DMC1: variants seen among roughly 807,000 people sequenced by gnomAD.
DMC1 encodes the protein DNA meiotic recombinase 1.
A neutral mutation model predicts 50.1 loss-of-function variants in DMC1; 27 were observed. That is an observed-to-expected ratio of 0.54 (90% CI 0.40 to 0.74). DMC1 has a LOEUF of 0.74. Ranked by LOEUF, DMC1 falls within the 30% of genes least tolerant of loss-of-function variation. The pLI is 0.00. For missense variants in DMC1, 295 were observed against 420.2 expected, an observed-to-expected ratio of 0.70 and a Z score of 2.60; for synonymous variants, 148 against 136.1, an observed-to-expected ratio of 1.09 and a Z score of -0.61.
chr22:38,553,009 G>A (rs1055177545), intron 6 of DMC1, among the ~76,000 whole-genome samples: 5 of 151,216 alleles, frequency 3.3e-5, no homozygotes, highest in African/African-American at 7.3e-5. Flanking sequence ...CACCACGCCC[G>A]GCTAGTTTTT....
At chr22:38,550,481 T>C (rs1482533331) in intron 7 of DMC1, among the ~76,000 whole-genome samples, 1 of 151,164 alleles carries the variant, frequency 6.6e-6, no homozygotes, top group African/African-American at 2.4e-5. Context: ...ACCCAGCTAA[T>C]TTTTATACTT....
At chr22:38,526,274 G>A (rs892212038) in intron 12 of DMC1, among the ~76,000 whole-genome samples, 3 of 151,768 alleles carry the variant, frequency 2.0e-5, no homozygotes, top group Admixed American at 6.6e-5. Flanking sequence ...CCGTGATCGC[G>A]GCTCATTGCA....
chr22:38,558,420 A>G (rs2090491203), intron 5 of DMC1, among the ~76,000 whole-genome samples: 1 of 152,072 alleles, frequency 6.6e-6, no homozygotes, highest in Non-Finnish European at 1.5e-5. Context: ...TAATTTTTAA[A>G]AACCTAGCTC....
intron 8 of DMC1, among the ~76,000 whole-genome samples, chr22:38,544,065 G>A (rs1215010809): frequency 6.6e-6 from 1 of 152,168 alleles, no homozygotes; most frequent in Non-Finnish European, 1.5e-5. Context: ...TTGCCTTGCT[G>A]AGAAAATATT....
chr22:38,548,623 C>T (rs2145919792), intron 8 of DMC1, among the ~76,000 whole-genome samples: 1 of 152,234 alleles, frequency 6.6e-6, no homozygotes, highest in Middle Eastern at 3.4e-3. Flanking sequence ...CCTATAATTC[C>T]AACACTTTGG....
intron 12 of DMC1, among the ~76,000 whole-genome samples, chr22:38,522,002 G>T (rs2145772871): frequency 6.6e-6 from 1 of 151,724 alleles, no homozygotes; most frequent in East Asian, 2.0e-4. Flanking sequence ...GCCCAGGCTG[G>T]AGTGCAGTGG....
chr22:38,550,982 AAAAG>A (rs923898254), intron 7 of DMC1, among the ~76,000 whole-genome samples: 24 of 151,286 alleles, frequency 1.6e-4, no homozygotes, highest in Non-Finnish European at 2.7e-4. Context: ...AAAAAGAAAA[AAAAG>A]AAAGAAATAG....
chr22:38,551,071 T>A (rs1399494219), intron 7 of DMC1, among the ~76,000 whole-genome samples: 1 of 149,462 alleles, frequency 6.7e-6, no homozygotes, highest in Non-Finnish European at 1.5e-5. Flanking sequence ...TGAAACCCCA[T>A]CTCTACTGAA....
intron 1 of DMC1, 79 bp from the exon 2 acceptor site, chr22:38,568,368 C>CT: frequency 9.6e-7 from 1 of 1,037,766 alleles, no homozygotes; most frequent in South Asian, 1.3e-5. Flanking sequence ...TCAACAAGGA[C>CT]TAGAAGGACA....
intron 8 of DMC1, among the ~76,000 whole-genome samples, chr22:38,547,006 A>AC (rs1391125015): frequency 2.0e-5 from 3 of 152,352 alleles, no homozygotes; most frequent in African/African-American, 7.2e-5. Context: ...ACCATAATGA[A>AC]CAAAGAAAAC....
intron 8 of DMC1, chr22:38,549,430 T>G (rs1329870042): frequency 6.4e-6 from 1 of 157,064 alleles, no homozygotes; most frequent in Non-Finnish European, 1.4e-5. Context: ...CAGAACAGCC[T>G]GGTCAACATG....
At chr22:38,551,122 C>G (rs377526385) in intron 7 of DMC1, among the ~76,000 whole-genome samples, 1 of 150,268 alleles carries the variant, frequency 6.7e-6, no homozygotes, top group Non-Finnish European at 1.5e-5. Flanking sequence ...GTCGTGAGTG[C>G]CTGTAATCCC....
At chr22:38,527,285 G>A (rs1737958179) in intron 12 of DMC1, among the ~76,000 whole-genome samples, 1 of 151,798 alleles carries the variant, frequency 6.6e-6, no homozygotes, top group African/African-American at 2.4e-5. Context: ...GTTCACTACA[G>A]CCTCCGCCTC....
intron 6 of DMC1, 150 bp from the exon 7 acceptor site, chr22:38,552,857 A>T (rs1026562425): frequency 1.4e-5 from 8 of 565,866 alleles, no homozygotes; most frequent in African/African-American, 7.8e-5. Context: ...GTTATTTTTT[A>T]TTTTTTTTTT....
chr22:38,523,560 T>G (rs554761321), intron 12 of DMC1, among the ~76,000 whole-genome samples: 1 of 152,312 alleles, frequency 6.6e-6, no homozygotes, highest in East Asian at 1.9e-4. Flanking sequence ...AATTCCTCTC[T>G]TATTCTCTAT....
intron 10 of DMC1, 28 bp downstream of exon 10, chr22:38,538,511 T>C (rs2090242840): frequency 9.3e-6 from 15 of 1,611,112 alleles, no homozygotes; most frequent in Non-Finnish European, 1.3e-5. Context: ...TAAATAGCTC[T>C]GTGAAAGCAA....
downstream of DMC1, among the ~76,000 whole-genome samples, chr22:38,517,076 T>G (rs79233669): frequency 0.033 from 5,011 of 152,268 alleles, 105 homozygotes; most frequent in African/African-American, 0.054. Context: ...TGGCCCCTAG[T>G]TGCCTGGTAG....
At chr22:38,558,623 G>A (rs1171533457) in intron 5 of DMC1, among the ~76,000 whole-genome samples, 1 of 152,038 alleles carries the variant, frequency 6.6e-6, no homozygotes, top group African/African-American at 2.4e-5. Flanking sequence ...GCTGAGGCAG[G>A]AGAATTGCTT....
intron 3 of DMC1, 68 bp from the exon 4 acceptor site, chr22:38,566,804 A>T: frequency 6.6e-7 from 1 of 1,524,690 alleles, no homozygotes. Flanking sequence ...ATACTATGTC[A>T]TGTGTTTCTG....
Sources: gnomAD v4.1 joint callset for allele counts (sites outside exome capture counted in the v4.1 genomes callset) on GRCh38, gnomAD v4.1.1 for gene constraint, MANE v1.5 for transcripts, NCBI Gene and HGNC (gene_info 2026-07-23, HGNC 2026-07-21) for gene names.